The following MALRD1 variants were observed in gnomAD, a reference collection of about 807,000 sequenced individuals.
The protein encoded by MALRD1 is MAM and LDL receptor class A domain containing 1, also known as MAM and LDL-receptor class A domain-containing protein 1.
MALRD1 carries 247 observed loss-of-function variants against 242.1 expected under a neutral mutation model. The observed-to-expected ratio is 1.02, with a 90% CI of 0.92 to 1.13. MALRD1 has a LOEUF of 1.13. Ranked by LOEUF, MALRD1 falls within the 50% of genes most tolerant of loss-of-function variation. The probability of loss-of-function intolerance (pLI) is 0.00; values close to 1 mark genes in which losing one functional copy is unlikely to be tolerated. For missense variants in MALRD1, 2,989 were observed against 2,533.1 expected (o/e 1.18, Z -3.86); for synonymous variants, 995 against 866.6 (o/e 1.15, Z -2.60).
intron 2 of MALRD1, among the ~76,000 whole-genome samples, chr10:19,069,360 A>G (rs1347387518): frequency 6.6e-6 from 1 of 152,066 alleles, no homozygotes; most frequent in South Asian, 2.1e-4. Context: ...GCGTTCACAT[A>G]TATTGGTTCT....
chr10:19,672,017 G>C (rs1250264294), intron 36 of MALRD1, among the ~76,000 whole-genome samples: 2 of 150,906 alleles, frequency 1.3e-5, no homozygotes, highest in African/African-American at 4.9e-5. Context: ...ATGTCCTATT[G>C]TCCTTAAAAC....
At position 19,119,679 on chromosome 10, in the gene MALRD1, T is replaced by A. The variant is rs538648939; in HGVS notation, c.695-3813T>A. Among the ~76,000 whole-genome samples, 66 of 152,316 alleles carry A rather than the reference T, an allele frequency of 4.3e-4. 1 individual carries two copies. Among genetic ancestry groups the A allele is most frequent in the Non-Finnish European group, 6.3e-4 (43 of 68,022 alleles). ...AGAAGCAGTTTAGGGAGGGTCAGAA[T>A]CTTGTAGCCTCCAGCTGCATGACTC... On this transcript the variant is annotated intron_variant, in intron 5 of 39. Transcript: ENST00000454679.
intron 29 of MALRD1, among the ~76,000 whole-genome samples, chr10:19,455,004 G>A (rs1035803054): frequency 2.6e-5 from 4 of 152,012 alleles, no homozygotes; most frequent in Admixed American, 1.3e-4. Context: ...GAAAAATAAA[G>A]CAAAATAATT....
At chr10:19,730,327 C>T (rs1057266786) in intron 38 of MALRD1, among the ~76,000 whole-genome samples, 2 of 152,180 alleles carry the variant, frequency 1.3e-5, no homozygotes, top group Admixed American at 6.5e-5. Flanking sequence ...GTGTAAAGGA[C>T]TTCAAGATGG....
At position 19,476,630 on chromosome 10, in the gene MALRD1, G is replaced by A. The variant is rs545525995; in HGVS notation, c.5030-14887G>A. 2.0e-5 allele frequency among the ~76,000 whole-genome samples: 3 copies of A among 152,154 alleles called. No individual in the cohort carries two copies. The East Asian group carries it at 5.8e-4, about 29-fold the overall frequency. On this transcript the variant is annotated intron_variant, in intron 29 of 39. Coordinates refer to ENST00000454679, the MANE Select transcript of MALRD1 (RefSeq NM_001142308.3). ...GTGGCTAAGCAATGACTATGGATTTGAGGTATTTGTATGTGAATAGGTTAG... is the reference window on the plus strand; with the variant it reads ...GTGGCTAAGCAATGACTATGGATTTAAGGTATTTGTATGTGAATAGGTTAG...
chr10:19,488,119 TAA>T (rs566682250), intron 29 of MALRD1, among the ~76,000 whole-genome samples: 1 of 152,202 alleles, frequency 6.6e-6, no homozygotes, highest in African/African-American at 2.4e-5. Flanking sequence ...ACCTTTAATA[TAA>T]GTCACTATGA....
At chr10:19,661,053 A>G (rs982557252) in intron 36 of MALRD1, among the ~76,000 whole-genome samples, 1 of 152,208 alleles carries the variant, frequency 6.6e-6, no homozygotes, top group Non-Finnish European at 1.5e-5. Flanking sequence ...ATCAGTGGCC[A>G]TCAGAGAAAT....
At chr10:19,645,195 A>G (rs918805069) in intron 36 of MALRD1, among the ~76,000 whole-genome samples, 2 of 152,112 alleles carry the variant, frequency 1.3e-5, no homozygotes, top group African/African-American at 2.4e-5. Context: ...TCTCACACCA[A>G]TTAGAATGGC....
rs531413088 is a variant in MALRD1, at chr10:19,175,345, C to T, written c.1951+17C>T. ...AAAGCAAGTGTAAGTTTTTCCTTGT[C>T]GTTGTTGCTGTTTTAAACATTGAAT... On this transcript the variant is annotated intron_variant, in intron 14 of 39. Coordinates refer to ENST00000454679, the MANE Select transcript of MALRD1 (RefSeq NM_001142308.3). 4.7e-4 allele frequency: 573 copies of T among 1,226,962 alleles called. No individual in the cohort carries two copies. Among genetic ancestry groups the T allele is most frequent in the Non-Finnish European group, 5.6e-4 (547 of 985,116 alleles). 76.0% of individuals were successfully genotyped at this position (1,226,962 alleles called of 1,614,324 possible).
chr10:19,563,066 A>G (rs1012143063), intron 32 of MALRD1, among the ~76,000 whole-genome samples: 2 of 152,182 alleles, frequency 1.3e-5, no homozygotes, highest in African/African-American at 4.8e-5. Context: ...AATGATTTCC[A>G]GTTCCTTATA....
At chr10:19,729,551 TATG>T (rs998914672) in intron 38 of MALRD1, among the ~76,000 whole-genome samples, 17 of 151,120 alleles carry the variant, frequency 1.1e-4, no homozygotes, top group African/African-American at 4.1e-4. Context: ...GATCCTTTCT[TATG>T]TGTGTGTGTG....
chr10:19,454,172 G>A (rs1835492265), intron 29 of MALRD1, among the ~76,000 whole-genome samples: 2 of 151,888 alleles, frequency 1.3e-5, no homozygotes, highest in South Asian at 2.1e-4. Context: ...AGCAAAGTCA[G>A]CAAGTCATGA....
At chr10:19,400,785 G>A (rs1049209583) in intron 28 of MALRD1, among the ~76,000 whole-genome samples, 4 of 152,174 alleles carry the variant, frequency 2.6e-5, no homozygotes, top group African/African-American at 9.7e-5. Flanking sequence ...GGAGGCCAAG[G>A]CAGGCAGATC....
At chr10:19,453,221 A>G (rs1339246801) in intron 29 of MALRD1, among the ~76,000 whole-genome samples, 1 of 152,182 alleles carries the variant, frequency 6.6e-6, no homozygotes, top group Non-Finnish European at 1.5e-5. Flanking sequence ...AACTTAAAAA[A>G]TGACTGAATG....
Position 19,155,126 on chromosome 10 carries a change from G to T in MALRD1, c.1610G>T (p.Gly537Val), listed in dbSNP as rs1834092991. The change falls in exon 12 of 40, where the codon GGA becomes GTA. Residue 537 changes from glycine (G) to valine (V), a missense_variant. Gly to Val is a moderately radical substitution (Grantham distance 109, BLOSUM62 -3). Transcript: ENST00000454679. ...CGCTCCCCCGGGGTGGCCAAGCTTGGAAGTCCTGTTCTTACAAAATTGCTC... is the reference window on the plus strand; with the variant it reads ...CGCTCCCCCGGGGTGGCCAAGCTTGTAAGTCCTGTTCTTACAAAATTGCTC... Reference protein sequence around the residue: ...AQRSPGVAKLGSPVLTKLLTA... With the variant: ...AQRSPGVAKLVSPVLTKLLTA... 1.6e-6 allele frequency: 2 copies of T among 1,231,434 alleles called. No individual in the cohort carries two copies. The highest frequency in any genetic ancestry group is 2.0e-6 in the Non-Finnish European group (2 of 987,936). 76.3% of individuals were successfully genotyped at this position (1,231,434 alleles called of 1,614,324 possible). A position where few individuals can be genotyped will look rare whatever the true frequency, so the allele number is the denominator to read the frequency against.
In MALRD1 at chr10:19,504,664, A is replaced by ATTTTTTTTTT. The variant is rs759213931; in HGVS notation, c.5320+6038_5320+6047dup. Reference sequence around the variant, plus strand: ...ACATATAATGACTATATTGTAACACATTTTTTTTTTTTTTTTTTTTTTTTT... The same window carrying ATTTTTTTTTT: ...ACATATAATGACTATATTGTAACACATTTTTTTTTTTTTTTTTTTTTTTTTTTTTTTTTTT... On this transcript the variant is annotated intron_variant, in intron 31 of 39. Coordinates refer to ENST00000454679, the MANE Select transcript of MALRD1 (RefSeq NM_001142308.3). Among the ~76,000 whole-genome samples, 57 of 97,588 alleles carry ATTTTTTTTTT rather than the reference A, an allele frequency of 5.8e-4. 2 individuals carry two copies. Among genetic ancestry groups the ATTTTTTTTTT allele is most frequent in the African/African-American group, 2.4e-3 (52 of 21,822 alleles). 64.0% of individuals were successfully genotyped at this position (97,588 alleles called of 152,430 possible).
At chr10:19,725,892 A>G (rs1835001943) in intron 38 of MALRD1, among the ~76,000 whole-genome samples, 1 of 152,200 alleles carries the variant, frequency 6.6e-6, no homozygotes, top group Admixed American at 6.5e-5. Context: ...GGATTTTGCA[A>G]TGCAAAAGAA....
At chr10:19,339,462 C>A (rs1049638464) in intron 24 of MALRD1, among the ~76,000 whole-genome samples, 5 of 152,156 alleles carry the variant, frequency 3.3e-5, no homozygotes, top group African/African-American at 1.2e-4. Context: ...CAGCTTTCCA[C>A]AATATCTTGG....
chr10:19,505,919 C>T (rs560294032), intron 31 of MALRD1, among the ~76,000 whole-genome samples: 39 of 152,266 alleles, frequency 2.6e-4, no homozygotes, highest in African/African-American at 8.7e-4. Flanking sequence ...GGTTTTGAAC[C>T]TTGGCTGCAT....
Sources: allele counts gnomAD v4.1 joint callset (sites outside exome capture counted in the v4.1 genomes callset), GRCh38; gene constraint gnomAD v4.1.1; transcripts MANE v1.5; gene names NCBI Gene and HGNC (gene_info 2026-07-23, HGNC 2026-07-21).